CYRIB: variants seen among roughly 807,000 people sequenced by gnomAD.
The protein encoded by CYRIB is CYFIP-related Rac1 interactor B.
Under a neutral mutation model 44.2 loss-of-function variants are expected in CYRIB, and 8 were observed. That is an observed-to-expected ratio of 0.18 (90% confidence interval 0.11 to 0.33). CYRIB has a LOEUF of 0.33. CYRIB is among the 10% of genes least tolerant of loss of function. The pLI is 1.00. For synonymous variants in CYRIB, 131 were observed against 127.2 expected, an observed-to-expected ratio of 1.03 and a Z score of -0.20; for missense variants, 185 against 382.8, an observed-to-expected ratio of 0.48 and a Z score of 4.31.
At chr8:129,939,191 T>G (rs1590594387) in intron 1 of CYRIB, among the ~76,000 whole-genome samples, 1 of 145,850 alleles carries the variant, frequency 6.9e-6, no homozygotes, top group East Asian at 2.0e-4. Context: ...GAACAGGGGA[T>G]GAGGAGAAAA....
At chr8:129,991,967 A>AGAG (rs2096646422) in intron 1 of CYRIB, among the ~76,000 whole-genome samples, 2 of 132,776 alleles carry the variant, frequency 1.5e-5, no homozygotes, top group African/African-American at 2.7e-5. Flanking sequence ...AAAAAAAAAA[A>AGAG]AAAAACAATA....
intron 1 of CYRIB, among the ~76,000 whole-genome samples, chr8:129,981,179 G>A (rs1010266993): frequency 2.6e-5 from 4 of 151,780 alleles, no homozygotes; most frequent in Admixed American, 2.0e-4. Context: ...TGGCTCTGTC[G>A]CTCAGGCTGG....
intron 2 of CYRIB, chr8:129,896,963 C>T (rs2068396129): frequency 6.6e-6 from 1 of 152,206 alleles, no homozygotes. Context: ...AATTGTTCTG[C>T]TTTCTCTCAT....
intron 2 of CYRIB, among the ~76,000 whole-genome samples, chr8:129,891,683 G>A (rs116866740): frequency 6.6e-6 from 1 of 152,216 alleles, no homozygotes; most frequent in Non-Finnish European, 1.5e-5. Context: ...AAAATTGGGA[G>A]ACTTGATTTC....
At chr8:129,845,006 A>T (rs1478685068) in intron 11 of CYRIB, among the ~76,000 whole-genome samples, 3 of 152,148 alleles carry the variant, frequency 2.0e-5, no homozygotes. Context: ...TTATAATAGG[A>T]AAGAAAATGT....
intron 1 of CYRIB, among the ~76,000 whole-genome samples, chr8:129,986,994 G>A (rs1284789316): frequency 1.3e-5 from 2 of 152,180 alleles, no homozygotes; most frequent in African/African-American, 4.8e-5. Context: ...CTCAAATGCA[G>A]CCATATGCCC....
chr8:129,977,153 G>A (rs189650118), intron 1 of CYRIB, among the ~76,000 whole-genome samples: 11 of 152,158 alleles, frequency 7.2e-5, no homozygotes, highest in Non-Finnish European at 1.3e-4. Flanking sequence ...GAACAAAGAG[G>A]TTTCATGAAG....
chr8:129,961,103 G>C (rs986908939), intron 2 of CYRIB, among the ~76,000 whole-genome samples: 1 of 152,190 alleles, frequency 6.6e-6, no homozygotes, highest in Non-Finnish European at 1.5e-5. Flanking sequence ...CCATCAGACA[G>C]GGCTGGGCTC....
chr8:130,007,264 G>T (rs1426834371), intron 1 of CYRIB, among the ~76,000 whole-genome samples: 2 of 152,116 alleles, frequency 1.3e-5, no homozygotes, highest in African/African-American at 4.8e-5. Context: ...AGCAGTGTCT[G>T]CTCTCGGCTA....
intron 1 of CYRIB, among the ~76,000 whole-genome samples, chr8:129,934,226 T>C (rs1229138079): frequency 1.3e-5 from 2 of 152,182 alleles, no homozygotes; most frequent in Admixed American, 6.5e-5. Flanking sequence ...GGAAATTGAA[T>C]GCCTAACTCA....
chr8:129,989,656 TA>T (rs2096574773), intron 1 of CYRIB, among the ~76,000 whole-genome samples: 1 of 151,156 alleles, frequency 6.6e-6, no homozygotes, highest in African/African-American at 2.4e-5. Flanking sequence ...TTTTTTTTTT[TA>T]ATTATACTTT....
At position 129,871,532 on chromosome 8, in the gene CYRIB, A is replaced by G. The variant is rs369116556; in HGVS notation, c.74-36T>C. 3.4e-5 allele frequency: 54 copies of G among 1,598,104 alleles called. No individual in the cohort carries two copies. The African/African-American group carries it at 5.9e-4, about 18-fold the overall frequency. ...GGAAAGCACAAGAAAATTTACAGTG[A>G]CATGAATTTTTTAAAATACATGTGT... On this transcript the variant is annotated intron_variant, in intron 3 of 11. Transcript: ENST00000519824.
At chr8:129,877,212 A>G (rs757070288) in intron 3 of CYRIB, among the ~76,000 whole-genome samples, 37 of 152,222 alleles carry the variant, frequency 2.4e-4, no homozygotes, top group Non-Finnish European at 5.1e-4. Context: ...ATAGTATACC[A>G]GTAAGTATAA....
chr8:129,881,242 C>G (rs1236432880), intron 2 of CYRIB, among the ~76,000 whole-genome samples: 1 of 152,152 alleles, frequency 6.6e-6, no homozygotes, highest in Non-Finnish European at 1.5e-5. Flanking sequence ...AAACCAGGTT[C>G]AAACCTGGAA....
chr8:129,927,934 C>T (rs1354504242), intron 1 of CYRIB, among the ~76,000 whole-genome samples: 5 of 152,024 alleles, frequency 3.3e-5, no homozygotes, highest in Non-Finnish European at 7.4e-5. Flanking sequence ...TCGGAGACTA[C>T]CGGAAATCCA....
chr8:129,891,401 A>G (rs1050007314), intron 2 of CYRIB, among the ~76,000 whole-genome samples: 5 of 141,364 alleles, frequency 3.5e-5, no homozygotes, highest in Non-Finnish European at 7.9e-5. Flanking sequence ...TACTAACACT[A>G]TCTAACTCAC....
intron 1 of CYRIB, among the ~76,000 whole-genome samples, chr8:129,939,150 G>A (rs1476426226): frequency 6.6e-6 from 1 of 151,852 alleles, no homozygotes; most frequent in Non-Finnish European, 1.5e-5. Context: ...GGCGAAGCCC[G>A]GGGGATAAGG....
intron 4 of CYRIB, among the ~76,000 whole-genome samples, chr8:129,869,373 C>A (rs2133068877): frequency 8.0e-6 from 1 of 125,596 alleles, no homozygotes; most frequent in African/African-American, 3.0e-5. Context: ...AAGAGTAAAA[C>A]TCTGCCTCAA....
At chr8:129,934,128 T>C (rs562334301) in intron 1 of CYRIB, among the ~76,000 whole-genome samples, 1 of 152,212 alleles carries the variant, frequency 6.6e-6, no homozygotes, top group Admixed American at 6.5e-5. Flanking sequence ...AGGTGCCCCT[T>C]GGGGTTTTGA....
Sources: allele counts gnomAD v4.1 joint callset (sites outside exome capture counted in the v4.1 genomes callset), GRCh38; gene constraint gnomAD v4.1.1; transcripts MANE v1.5; gene names NCBI Gene and HGNC (gene_info 2026-07-23, HGNC 2026-07-21).